Variants in SLC7A14 observed in about 807,000 individuals in gnomAD.
The protein encoded by SLC7A14 is solute carrier family 7 member 14, also known as gamma-aminobutyric acid transporter SLC7A14.
Under a neutral mutation model 60.2 loss-of-function variants are expected in SLC7A14, and 37 were observed. That is an observed-to-expected ratio of 0.61 (90% CI 0.47 to 0.81). SLC7A14 has a LOEUF of 0.81. Among genes scored for constraint, SLC7A14 ranks in the 30% least tolerant of loss-of-function variants. The pLI is 0.00. For synonymous variants in SLC7A14, 399 were observed against 395.8 expected (o/e 1.01, Z -0.10); for missense variants, 886 against 982.7 (o/e 0.90, Z 1.32).
rs1462857601 is a variant in SLC7A14 at position 170,570,689 on chromosome 3, A to G, written c.-153+15222T>C. ...CACTCCGAAGCCCGGACACTGGTAA[A>G]GTATTTCATTGTGGGGAATGAGATG... On this transcript the variant is annotated intron_variant, in intron 1 of 7. Transcript: ENST00000231706. Among the ~76,000 whole-genome samples the G allele has an allele frequency of 5.9e-5, 9 of 152,302 alleles. No individual in the cohort carries two copies. In the East Asian group the frequency reaches 1.4e-3, roughly 23 times the overall value.
chr3:170,536,428 C>T (rs1192193852), intron 1 of SLC7A14, among the ~76,000 whole-genome samples: 1 of 152,130 alleles, frequency 6.6e-6, no homozygotes, highest in African/African-American at 2.4e-5. Context: ...TTTGATTAGC[C>T]AGAAAAGTTA....
chr3:170,530,730 G>A (rs1377026171), intron 1 of SLC7A14, among the ~76,000 whole-genome samples: 2 of 152,222 alleles, frequency 1.3e-5, no homozygotes, highest in African/African-American at 4.8e-5. Flanking sequence ...ACCTGCTGCA[G>A]CGGGGAGGCC....
At chr3:170,491,047 T>G (rs752206460) in intron 4 of SLC7A14, among the ~76,000 whole-genome samples, 5 of 152,174 alleles carry the variant, frequency 3.3e-5, no homozygotes, top group Admixed American at 6.5e-5. Flanking sequence ...TTGTGTGTAC[T>G]AAGTGCTACC....
chr3:170,569,302 C>G (rs1714878132), intron 1 of SLC7A14, among the ~76,000 whole-genome samples: 1 of 152,018 alleles, frequency 6.6e-6, no homozygotes, highest in Non-Finnish European at 1.5e-5. Flanking sequence ...TGTTTATATG[C>G]TGGATTACAT....
At chr3:170,582,422 AT>A (rs1715262661) in intron 1 of SLC7A14, among the ~76,000 whole-genome samples, 1 of 152,188 alleles carries the variant, frequency 6.6e-6, no homozygotes. Flanking sequence ...GGGGGGCTAA[AT>A]TTTTAATTTT....
chr3:170,539,096 A>G (rs140631963), intron 1 of SLC7A14, among the ~76,000 whole-genome samples: 3 of 152,326 alleles, frequency 2.0e-5, no homozygotes, highest in Non-Finnish European at 4.4e-5. Context: ...ATGAAATCCA[A>G]GGTCCTCAAA....
chr3:170,585,785 C>T lies in SLC7A14; in HGVS notation c.-153+126G>A, dbSNP rs1019009634. 2 of 152,280 alleles carry T rather than the reference C, an allele frequency of 1.3e-5. No individual in the cohort carries two copies. The highest frequency in any genetic ancestry group is 1.5e-5 in the Non-Finnish European group (1 of 68,120). 9.4% of individuals were successfully genotyped at this position (152,280 alleles called of 1,614,324 possible). On this transcript the variant is annotated intron_variant, in intron 1 of 7. Coordinates refer to ENST00000231706, the MANE Select transcript of SLC7A14 (RefSeq NM_020949.3). This position sits in a 1 kb window ranked among gnomAD's most constrained non-coding sequence, Gnocchi z 5.1. ...CCTCCGCGCCATATTCCTGGTCCCC[C>T]GCTCCCGGTGACTCCGGCTCCCTGG...
chr3:170,484,323 C>T (rs1439428690), intron 5 of SLC7A14, among the ~76,000 whole-genome samples: 4 of 152,196 alleles, frequency 2.6e-5, no homozygotes, highest in African/African-American at 9.6e-5. Flanking sequence ...TACCACCCCT[C>T]CTTCAACACT....
chr3:170,579,548 T>C (rs950622919), intron 1 of SLC7A14, among the ~76,000 whole-genome samples: 1 of 152,266 alleles, frequency 6.6e-6, no homozygotes, highest in African/African-American at 2.4e-5. Context: ...CGTTTCCTTA[T>C]TGACTTGCTA....
intron 2 of SLC7A14, among the ~76,000 whole-genome samples, chr3:170,520,198 G>A (rs1279349097): frequency 6.6e-6 from 1 of 152,200 alleles, no homozygotes; most frequent in Non-Finnish European, 1.5e-5. Flanking sequence ...CTTAAGCAAA[G>A]GAGCCAAACC....
At chr3:170,548,019 C>A (rs1266002979) in intron 1 of SLC7A14, among the ~76,000 whole-genome samples, 1 of 152,188 alleles carries the variant, frequency 6.6e-6, no homozygotes, top group African/African-American at 2.4e-5. Context: ...GTGCCCTTTG[C>A]CAGACTGCCC....
chr3:170,498,145 A>G (rs1712468727), intron 4 of SLC7A14, among the ~76,000 whole-genome samples: 1 of 152,120 alleles, frequency 6.6e-6, no homozygotes, highest in African/African-American at 2.4e-5. Context: ...TTGTGTATTT[A>G]TGTTCTTCTT....
chr3:170,498,745 G>A lies in SLC7A14; in HGVS notation c.681C>T (p.Phe227=), dbSNP rs140171820. Residue 227 remains phenylalanine, a synonymous_variant, in exon 4 of 8, where the codon TTC becomes TTT. Coordinates refer to ENST00000231706, the MANE Select transcript of SLC7A14 (RefSeq NM_020949.3). ...LNVLNLAVWV[F]IMIAGLFFIN... ...TGAAGAAGAGGCCTGCGATCATGAT[G>A]AACACCCATACTGCCAGGTTCAGCA... 3.7e-5 allele frequency: 60 copies of A among 1,614,046 alleles called. No homozygotes were observed. The Middle Eastern group carries it at 1.5e-3, about 40-fold the overall frequency.
Position 170,480,533 on chromosome 3 carries a change from G to T in SLC7A14, c.1749C>A (p.Ile583=). 1 of 1,614,228 alleles carries T rather than the reference G, an allele frequency of 6.2e-7. No homozygotes were observed. Among genetic ancestry groups the T allele is most frequent in the Non-Finnish European group, 8.5e-7 (1 of 1,180,048 alleles). ...CTGAGATGTAGTCAGAACCAAAGAT[G>T]ATGAAGGAGCAGAAGATGAACATGA... is the stretch of plus-strand genomic sequence containing the variant. ...FILMFIFCSF[I]IFGSDYISEQ... The change falls in exon 7 of 8, where the codon ATC becomes ATA. Residue 583 remains isoleucine, a synonymous_variant. Transcript: ENST00000231706.
At chr3:170,474,029 TA>T in intron 7 of SLC7A14, among the ~76,000 whole-genome samples, 1 of 152,246 alleles carries the variant, frequency 6.6e-6, no homozygotes, top group Non-Finnish European at 1.5e-5. Context: ...CAAAAACATG[TA>T]CAAGAATGTT....
chr3:170,468,285 C>T (rs977511601), intron 7 of SLC7A14, among the ~76,000 whole-genome samples: 1 of 151,948 alleles, frequency 6.6e-6, no homozygotes, highest in African/African-American at 2.4e-5. Context: ...TTTATGAGTA[C>T]CCATTTTCTT....
Position 170,498,844 on chromosome 3 carries a change from C to T in SLC7A14, c.582G>A (p.Leu194=), listed in dbSNP as rs776940063. The part of the protein sequence containing the change: ...EESYPDLLAL[L]IAVIVTIIVA... ...CAATGATGGTCACGATGACCGCGATCAACAGAGCCAGAAGGTCTGGGTATG... is the reference window on the plus strand; with the variant it reads ...CAATGATGGTCACGATGACCGCGATTAACAGAGCCAGAAGGTCTGGGTATG... Residue 194 remains leucine (L), a synonymous_variant, in exon 4 of 8, where the codon TTG becomes TTA. Coordinates refer to ENST00000231706, the MANE Select transcript of SLC7A14 (RefSeq NM_020949.3). The T allele has an allele frequency of 2.3e-5, 37 of 1,614,034 alleles. No homozygotes were observed. The East Asian group carries it at 8.2e-4, about 36-fold the overall frequency.
intron 2 of SLC7A14, among the ~76,000 whole-genome samples, chr3:170,508,383 G>C (rs1479823260): frequency 6.6e-6 from 1 of 152,238 alleles, no homozygotes; most frequent in Non-Finnish European, 1.5e-5. Flanking sequence ...GGTTCGGTCA[G>C]GCTGCCTTGA....
intron 4 of SLC7A14, chr3:170,496,026 G>GA: frequency 8.4e-7 from 1 of 1,185,118 alleles, no homozygotes; most frequent in Middle Eastern, 2.6e-4. Context: ...CATCAAGAAG[G>GA]ACATGGATGA....
Sources: gnomAD v4.1 joint callset for allele counts (sites outside exome capture counted in the v4.1 genomes callset) on GRCh38, gnomAD v4.1.1 for gene constraint, Gnocchi (gnomAD v3.1) non-coding constraint, MANE v1.5 for transcripts, NCBI Gene and HGNC (gene_info 2026-07-23, HGNC 2026-07-21) for gene names.